The following CDH13 variants were observed in gnomAD, a reference collection of about 807,000 sequenced individuals.
The protein encoded by CDH13 is cadherin 13.
A neutral mutation model predicts 63.8 loss-of-function variants in CDH13; 24 were observed. That is an observed-to-expected ratio of 0.38 (90% CI 0.27 to 0.53). The LOEUF (loss-of-function observed/expected upper bound fraction) is 0.53, where lower values mean the gene tolerates loss of function less well. Among genes scored for constraint, CDH13 ranks in the 20% least tolerant of loss-of-function variants. CDH13 has a pLI of 0.85. For missense variants in CDH13, 1,049 were observed against 903.1 expected (o/e 1.16, Z -2.07); for synonymous variants, 503 against 355.3 (o/e 1.42, Z -4.67).
At chr16:83,119,410 C>T (rs935263126) in intron 3 of CDH13, among the ~76,000 whole-genome samples, 1 of 152,112 alleles carries the variant, frequency 6.6e-6, no homozygotes, top group African/African-American at 2.4e-5. Flanking sequence ...GTCCAGCAGG[C>T]TCCTCAACGT....
chr16:83,456,174 T>C (rs114605870), intron 6 of CDH13, among the ~76,000 whole-genome samples: 136 of 152,340 alleles, frequency 8.9e-4, no homozygotes, highest in African/African-American at 3.2e-3. Flanking sequence ...CCACTGTTGA[T>C]AGAACAGCAA....
At chr16:82,964,985 G>T (rs893922457) in intron 2 of CDH13, among the ~76,000 whole-genome samples, 1 of 152,198 alleles carries the variant, frequency 6.6e-6, no homozygotes, top group Non-Finnish European at 1.5e-5. Context: ...TAAGAAGGAA[G>T]GTGGAAGCAC....
At chr16:82,987,608 C>T (rs1911109224) in intron 2 of CDH13, among the ~76,000 whole-genome samples, 1 of 152,152 alleles carries the variant, frequency 6.6e-6, no homozygotes, top group Admixed American at 6.5e-5. Context: ...AACTCCTGAC[C>T]TCAGGTGATC....
At chr16:82,657,885 T>C (rs1452448098) in intron 1 of CDH13, among the ~76,000 whole-genome samples, 6 of 152,232 alleles carry the variant, frequency 3.9e-5, no homozygotes, top group Non-Finnish European at 7.3e-5. Context: ...GTTTCTTACT[T>C]TCCAATCACT....
At chr16:83,086,554 C>T (rs1333964069) in intron 3 of CDH13, among the ~76,000 whole-genome samples, 1 of 152,168 alleles carries the variant, frequency 6.6e-6, no homozygotes, top group Non-Finnish European at 1.5e-5. Context: ...ATTGGATTCC[C>T]CATTCCTCAA....
chr16:83,495,217 G>T (rs757933918), intron 7 of CDH13, among the ~76,000 whole-genome samples: 1 of 152,142 alleles, frequency 6.6e-6, no homozygotes, highest in South Asian at 2.1e-4. Context: ...ACATTTTAGG[G>T]GGACATAAGC....
rs1379729225 is a variant in CDH13 at position 83,514,579 on chromosome 16, AGG to A, written c.960+27925_960+27926del. 3.9e-5 allele frequency among the ~76,000 whole-genome samples: 6 copies of A among 152,176 alleles called. No individual in the cohort carries two copies. In the East Asian group the frequency reaches 1.2e-3, roughly 29 times the overall value. ...GGAATTGCTTGAACCTGGGAGGTGG[AGG>A]TTGCAGTAAGCCAAGATCATACCAC... On this transcript the variant is annotated intron_variant, in intron 7 of 13. Transcript: ENST00000567109.
intron 3 of CDH13, among the ~76,000 whole-genome samples, chr16:83,076,676 C>G (rs959094479): frequency 6.6e-6 from 1 of 151,956 alleles, no homozygotes; most frequent in Non-Finnish European, 1.5e-5. Flanking sequence ...ATACATCCAC[C>G]TTACTTTTTA....
At chr16:83,372,749 TAAAAAAAAAAAAA>T (rs35480546) in intron 6 of CDH13, among the ~76,000 whole-genome samples, 69 of 95,574 alleles carry the variant, frequency 7.2e-4, no homozygotes, top group Non-Finnish European at 1.0e-3. Flanking sequence ...AGACTCGGTC[TAAAAAAAAAAAAA>T]AAAAAAAAAA....
chr16:83,027,101 G>GCCCCC (rs1386342125), intron 2 of CDH13, among the ~76,000 whole-genome samples: 1 of 118,558 alleles, frequency 8.4e-6, no homozygotes, highest in African/African-American at 3.5e-5. Context: ...ACAGAAGGGA[G>GCCCCC]ACCCCCCCCC....
At chr16:83,290,092 T>C (rs2089429379) in intron 5 of CDH13, among the ~76,000 whole-genome samples, 1 of 152,196 alleles carries the variant, frequency 6.6e-6, no homozygotes, top group South Asian at 2.1e-4. Context: ...CTCTTTTCTG[T>C]CACCTTCTTT....
intron 11 of CDH13, among the ~76,000 whole-genome samples, chr16:83,751,955 G>T (rs561969710): frequency 1.3e-5 from 2 of 152,228 alleles, no homozygotes; most frequent in African/African-American, 4.8e-5. Flanking sequence ...TTAGGGAGTT[G>T]CCCATGCAGA....
chr16:82,694,664 C>G (rs1051745733), intron 1 of CDH13, among the ~76,000 whole-genome samples: 6 of 152,118 alleles, frequency 3.9e-5, no homozygotes, highest in Non-Finnish European at 5.9e-5. Flanking sequence ...AAATATTTCC[C>G]TTTTCTGACA....
At chr16:83,467,222 A>G (rs79712444) in intron 6 of CDH13, among the ~76,000 whole-genome samples, 1 of 152,348 alleles carries the variant, frequency 6.6e-6, no homozygotes, top group African/African-American at 2.4e-5. Flanking sequence ...AGAGAAAACA[A>G]ATACACCGTG....
At chr16:83,351,754 C>T (rs757565041) in intron 6 of CDH13, among the ~76,000 whole-genome samples, 2 of 152,146 alleles carry the variant, frequency 1.3e-5, no homozygotes, top group Admixed American at 6.5e-5. Context: ...AATGGGATGG[C>T]GGATATGCCC....
chr16:82,955,027 T>C (rs981052533), intron 2 of CDH13, among the ~76,000 whole-genome samples: 2 of 152,226 alleles, frequency 1.3e-5, no homozygotes, highest in African/African-American at 4.8e-5. Context: ...GTTTATCCAC[T>C]TATTGCTCAA....
At chr16:83,027,022 G>A (rs942188954) in intron 2 of CDH13, among the ~76,000 whole-genome samples, 2 of 151,502 alleles carry the variant, frequency 1.3e-5, no homozygotes, top group African/African-American at 4.9e-5. Context: ...TGGGTTCAAT[G>A]AAATCAAGAG....
chr16:82,716,200 T>C (rs1334100353), intron 1 of CDH13, among the ~76,000 whole-genome samples: 1 of 152,190 alleles, frequency 6.6e-6, no homozygotes, highest in Admixed American at 6.5e-5. Flanking sequence ...CCTCTTGGGT[T>C]CAGGCATGTC....
intron 7 of CDH13, among the ~76,000 whole-genome samples, chr16:83,521,125 G>A (rs1414092066): frequency 6.6e-6 from 1 of 152,142 alleles, no homozygotes; most frequent in African/African-American, 2.4e-5. Context: ...CATCACCACA[G>A]TGCCACAGTA....
Sources: allele counts gnomAD v4.1 joint callset (sites outside exome capture counted in the v4.1 genomes callset), GRCh38; gene constraint gnomAD v4.1.1; transcripts MANE v1.5; gene names NCBI Gene and HGNC (gene_info 2026-07-23, HGNC 2026-07-21).